The following CSMD1 variants were observed in gnomAD, a reference collection of about 807,000 sequenced individuals.
CSMD1 encodes CUB and sushi domain-containing protein 1.
Under a neutral mutation model 417.5 loss-of-function variants are expected in CSMD1, and 213 were observed. The ratio of observed to expected loss-of-function variants is 0.51; its 90% confidence interval spans 0.46 to 0.57. The LOEUF (loss-of-function observed/expected upper bound fraction) is 0.57. Among genes scored for constraint, CSMD1 ranks in the 20% least tolerant of loss-of-function variants. CSMD1 has a pLI of 0.00. For synonymous variants in CSMD1, 2,862 were observed against 1,736.8 expected (o/e 1.65, Z -16.11); for missense variants, 6,923 against 4,529.7 (o/e 1.53, Z -15.17).
At chr8:3,848,089 C>CTCTA (rs10679534) in intron 5 of CSMD1, among the ~76,000 whole-genome samples, 121 of 151,720 alleles carry the variant, frequency 8.0e-4, no homozygotes, top group African/African-American at 2.6e-3. Flanking sequence ...CTCTCTCTCT[C>CTCTA]TAAATATATA....
chr8:4,753,569 A>T (rs1811482297), intron 1 of CSMD1, among the ~76,000 whole-genome samples: 1 of 151,980 alleles, frequency 6.6e-6, no homozygotes, highest in Non-Finnish European at 1.5e-5. Flanking sequence ...CCTGCCTTCC[A>T]TCACTTCTCA....
chr8:4,164,346 A>C (rs532220719), intron 3 of CSMD1, among the ~76,000 whole-genome samples: 1 of 152,316 alleles, frequency 6.6e-6, no homozygotes, highest in South Asian at 2.1e-4. Flanking sequence ...AGTATTCATA[A>C]AACAACAGTC....
chr8:2,987,979 T>A (rs904601981), intron 54 of CSMD1, among the ~76,000 whole-genome samples: 9 of 152,148 alleles, frequency 5.9e-5, no homozygotes, highest in African/African-American at 2.2e-4. Context: ...GCTGCACCTG[T>A]GAACCCATCA....
chr8:4,131,281 A>C (rs971385365), intron 3 of CSMD1, among the ~76,000 whole-genome samples: 5 of 151,440 alleles, frequency 3.3e-5, no homozygotes, highest in African/African-American at 1.2e-4. Context: ...GGAACTGAAG[A>C]GGCTGAATCT....
At chr8:4,791,360 G>A (rs1195100101) in intron 1 of CSMD1, among the ~76,000 whole-genome samples, 2 of 152,118 alleles carry the variant, frequency 1.3e-5, no homozygotes, top group Non-Finnish European at 2.9e-5. Flanking sequence ...CTTTGACAAT[G>A]TTTTCCAATT....
chr8:3,885,219 G>C (rs1806477497), intron 5 of CSMD1, among the ~76,000 whole-genome samples: 1 of 151,926 alleles, frequency 6.6e-6, no homozygotes, highest in Non-Finnish European at 1.5e-5. Context: ...TCCCTTATGG[G>C]AGACTATTTA....
chr8:3,675,360 G>A (rs17397928), intron 7 of CSMD1, among the ~76,000 whole-genome samples: 2 of 152,168 alleles, frequency 1.3e-5, no homozygotes, highest in African/African-American at 4.8e-5. Context: ...AGCCTCCATA[G>A]TAAGGCCTCA....
At chr8:3,109,550 G>A (rs1816367229) in intron 43 of CSMD1, among the ~76,000 whole-genome samples, 2 of 151,976 alleles carry the variant, frequency 1.3e-5, no homozygotes, top group Non-Finnish European at 1.5e-5. Flanking sequence ...CCCACAAAAT[G>A]AGCCCGTCAT....
intron 2 of CSMD1, among the ~76,000 whole-genome samples, chr8:4,518,784 A>T (rs565677779): frequency 4.5e-4 from 68 of 152,148 alleles, no homozygotes; most frequent in African/African-American, 1.5e-3. Flanking sequence ...AATAAAATTT[A>T]AAAAAAGAGG....
intron 34 of CSMD1, 122 bp downstream of exon 34, chr8:3,189,790 A>T (rs1210676089): frequency 4.8e-6 from 4 of 828,656 alleles, no homozygotes; most frequent in South Asian, 1.8e-5. Context: ...CCATGAAACA[A>T]ACTGCCCTTT....
At chr8:4,193,076 C>A (rs879679226) in intron 3 of CSMD1, among the ~76,000 whole-genome samples, 3 of 152,126 alleles carry the variant, frequency 2.0e-5, no homozygotes, top group Non-Finnish European at 4.4e-5. Flanking sequence ...TGAAATACAT[C>A]TTTTGAGCAG....
At chr8:4,777,644 G>C (rs532853271) in intron 1 of CSMD1, among the ~76,000 whole-genome samples, 129 of 152,274 alleles carry the variant, frequency 8.5e-4, no homozygotes, top group African/African-American at 3.0e-3. Flanking sequence ...TTAAAATACT[G>C]TATTAGCTTG....
intron 1 of CSMD1, among the ~76,000 whole-genome samples, chr8:4,968,514 T>G (rs1266105210): frequency 6.6e-6 from 1 of 152,106 alleles, no homozygotes; most frequent in African/African-American, 2.4e-5. Flanking sequence ...CAAAAACTAA[T>G]TTCCACCTGC....
intron 11 of CSMD1, among the ~76,000 whole-genome samples, chr8:3,486,176 G>C (rs1256542941): frequency 6.6e-6 from 1 of 152,124 alleles, no homozygotes. Context: ...GAACATGGCA[G>C]AACTCTGGAT....
chr8:4,617,258 G>A (rs1026319967), intron 2 of CSMD1, among the ~76,000 whole-genome samples: 27 of 152,174 alleles, frequency 1.8e-4, no homozygotes, highest in Admixed American at 9.2e-4. Context: ...CTTTAAGAGC[G>A]ATTACTTGCT....
At chr8:3,450,952 T>C (rs1176170317) in intron 12 of CSMD1, among the ~76,000 whole-genome samples, 3 of 152,130 alleles carry the variant, frequency 2.0e-5, no homozygotes, top group Non-Finnish European at 2.9e-5. Context: ...GTGTTCCTAT[T>C]TCACCACATC....
intron 3 of CSMD1, among the ~76,000 whole-genome samples, chr8:4,153,506 A>T (rs973356066): frequency 6.6e-6 from 1 of 152,152 alleles, no homozygotes; most frequent in Non-Finnish European, 1.5e-5. Context: ...TTCTGCTCAC[A>T]ATTGTTGAAT....
At chr8:3,412,548 T>G (rs1334986009) in intron 12 of CSMD1, among the ~76,000 whole-genome samples, 1 of 152,140 alleles carries the variant, frequency 6.6e-6, no homozygotes, top group Non-Finnish European at 1.5e-5. Context: ...CATGAAGATG[T>G]TGAATACATA....
At position 3,157,970 on chromosome 8, in the gene CSMD1, T is replaced by A. The variant is rs748157157; in HGVS notation, c.5845-4A>T. On this transcript the variant is annotated splice_polypyrimidine_tract_variant and splice_region_variant and intron_variant, in intron 38 of 69. Transcript: ENST00000635120. ...TACAGGAAATGTGGGAACGGCCCTG[T>A]TTAAAAGAAAACAAAAGAAAATACA... 6.4e-7 allele frequency: 1 copy of A among 1,552,284 alleles called. No homozygotes were observed. Among genetic ancestry groups the A allele is most frequent in the South Asian group, 1.2e-5 (1 of 84,062 alleles).
Sources: gnomAD v4.1 joint callset for allele counts (sites outside exome capture counted in the v4.1 genomes callset) on GRCh38, gnomAD v4.1.1 for gene constraint, MANE v1.5 for transcripts, NCBI Gene and HGNC (gene_info 2026-07-23, HGNC 2026-07-21) for gene names.